HEATR9: variants seen among roughly 807,000 people sequenced by gnomAD.
The protein encoded by HEATR9 is HEAT repeat containing 9, also known as protein HEATR9.
Under a neutral mutation model 68.2 loss-of-function variants are expected in HEATR9, and 54 were observed. The observed-to-expected ratio is 0.79, with a 90% CI of 0.64 to 0.99. HEATR9 has a LOEUF of 0.99. Ranked by LOEUF, HEATR9 falls within the 50% of genes least tolerant of loss-of-function variation. The probability of loss-of-function intolerance (pLI) is 0.00; values close to 1 mark genes in which losing one functional copy is unlikely to be tolerated. For synonymous variants in HEATR9, 241 were observed against 253.5 expected, an observed-to-expected ratio of 0.95 and a Z score of 0.47; for missense variants, 662 against 679.7, an observed-to-expected ratio of 0.97 and a Z score of 0.29.
chr17:35,867,914 G>A (rs2088267107), intron 1 of HEATR9, among the ~76,000 whole-genome samples: 1 of 152,108 alleles, frequency 6.6e-6, no homozygotes, highest in Admixed American at 6.6e-5. Flanking sequence ...CCAAGTAGCT[G>A]GGATTATAGG....
chr17:35,868,680 C>A lies in HEATR9; in HGVS notation c.63G>T (p.Trp21Cys). Residue 21 changes from tryptophan to cysteine, a missense_variant, in exon 1 of 15, where the codon TGG becomes TGT. By Grantham distance (215) the Trp-to-Cys change is radical. Coordinates refer to ENST00000604834, the MANE Select transcript of HEATR9 (RefSeq NM_152781.4). ...CTTTGGTCTTGTCTGGATATTCCAG[C>A]CATGGGTACAGGAACATTGACCTGG... ...DVSRSMFLYP[W>C]LEYPDKTKEL... 6.2e-7 allele frequency: 1 copy of A among 1,614,104 alleles called. No individual in the cohort carries two copies. The highest frequency in any genetic ancestry group is 8.5e-7 in the Non-Finnish European group (1 of 1,179,942).
chr17:35,856,457 A>T (rs191035261), intron 12 of HEATR9: 41 of 1,219,348 alleles, frequency 3.4e-5, no homozygotes, highest in Admixed American at 4.2e-5. Flanking sequence ...TTATCTTTTT[A>T]AAAAAAGTTC....
At position 35,855,195 on chromosome 17, in the gene HEATR9, T is replaced by C. The variant is rs1406151615; in HGVS notation, c.1581A>G (p.Lys527=). The change falls in exon 15 of 15, where the codon AAA becomes AAG. Residue 527 remains lysine, a synonymous_variant. Transcript: ENST00000604834. ...AAGCAGGCGTTTTCTTTTGGCCTACTTTGGTGATGGACTTTGCAATAAACA... is the reference window on the plus strand; with the variant it reads ...AAGCAGGCGTTTTCTTTTGGCCTACCTTGGTGATGGACTTTGCAATAAACA... The part of the protein sequence containing the change: ...NPLFIAKSIT[K]VGQKKTPAFP... The C allele has an allele frequency of 6.2e-7, 1 of 1,614,152 alleles. No homozygotes were observed.
chr17:35,866,535 G>C (rs1355502060), intron 2 of HEATR9, among the ~76,000 whole-genome samples, 189 bp downstream of exon 2: 4 of 152,208 alleles, frequency 2.6e-5, no homozygotes, highest in Non-Finnish European at 5.9e-5. Context: ...GAGGTGGACA[G>C]GGGTTAGCCT....
intron 1 of HEATR9, 39 bp from the exon 2 acceptor site, chr17:35,866,812 A>G: frequency 6.2e-7 from 1 of 1,602,444 alleles, no homozygotes; most frequent in Middle Eastern, 1.7e-4. Context: ...GGTTCAAATG[A>G]GATAGCAGTT....
intron 8 of HEATR9, chr17:35,861,647 A>G (rs2087996480): frequency 1.7e-6 from 1 of 588,550 alleles, no homozygotes; most frequent in South Asian, 2.0e-5. Context: ...TCTGCCTGGA[A>G]TGTCTTCTCT....
At chr17:35,855,565 C>A in intron 14 of HEATR9, 99 bp downstream of exon 14, 1 of 1,329,996 alleles carries the variant, frequency 7.5e-7, no homozygotes, top group South Asian at 1.2e-5. Flanking sequence ...GCTCATGACC[C>A]TCTCCTCCTG....
chr17:35,855,295 G>C lies in HEATR9; in HGVS notation c.1481C>G (p.Thr494Arg). The change falls in exon 15 of 15, where the codon ACA becomes AGA. Residue 494 changes from threonine (T) to arginine (R), a missense_variant. Coordinates refer to ENST00000604834, the MANE Select transcript of HEATR9 (RefSeq NM_152781.4). ...APKTNVKAEP[T>R]RFQKEPENPE... ...GTTCTCAGGCTCTTTCTGGAACCTT[G>C]TGGGCTCTGCCTTCACATTGGTCTT... The C allele has an allele frequency of 6.2e-7, 1 of 1,614,196 alleles. No individual in the cohort carries two copies.
intron 11 of HEATR9, among the ~76,000 whole-genome samples, chr17:35,857,570 T>C (rs2143889357): frequency 6.6e-6 from 1 of 152,204 alleles, no homozygotes; most frequent in East Asian, 1.9e-4. Context: ...CCATCCTGGC[T>C]AACACGATGA....
intron 12 of HEATR9, 104 bp from the exon 13 acceptor site, chr17:35,856,328 G>A (rs1358867289): frequency 1.2e-6 from 2 of 1,612,718 alleles, no homozygotes; most frequent in South Asian, 1.1e-5. Flanking sequence ...GCAAAGTGAT[G>A]CTAATTTCAT....
chr17:35,867,428 CAAAAAAAAAAA>C (rs11315915), intron 1 of HEATR9, among the ~76,000 whole-genome samples: 9 of 40,072 alleles, frequency 2.2e-4, no homozygotes, highest in African/African-American at 4.4e-4. Flanking sequence ...GAGCAAGACT[CAAAAAAAAAAA>C]AAAAAAAAAA....
intron 3 of HEATR9, 58 bp from the exon 4 acceptor site, chr17:35,864,948 G>T (rs2088140728): frequency 1.9e-6 from 3 of 1,606,810 alleles, no homozygotes; most frequent in Non-Finnish European, 2.6e-6. Flanking sequence ...TCCTCAGGTT[G>T]CAACCTCACT....
intron 8 of HEATR9, among the ~76,000 whole-genome samples, chr17:35,859,452 C>A (rs989737827): frequency 2.0e-5 from 3 of 152,156 alleles, no homozygotes; most frequent in African/African-American, 7.2e-5. Context: ...TTTCATGGAT[C>A]CCACTCTCTG....
At chr17:35,858,102 G>C in intron 11 of HEATR9, 98 bp downstream of exon 11, 1 of 1,528,048 alleles carries the variant, frequency 6.5e-7, no homozygotes, top group Non-Finnish European at 9.0e-7. Context: ...AGGTCAGGAT[G>C]AATGTGATAC....
intron 7 of HEATR9, 95 bp from the exon 8 acceptor site, chr17:35,863,220 G>A: frequency 6.5e-7 from 1 of 1,529,830 alleles, no homozygotes; most frequent in Non-Finnish European, 9.0e-7. Context: ...CGAGACCTAA[G>A]TTCCAAGTCC....
At chr17:35,862,954 G>A (rs1163874226) in intron 8 of HEATR9, 41 bp downstream of exon 8, 1 of 1,613,770 alleles carries the variant, frequency 6.2e-7, no homozygotes, top group Admixed American at 1.7e-5. Context: ...CAATTACCTT[G>A]TCCAGCTTTG....
chr17:35,858,566 A>G lies in HEATR9; in HGVS notation c.940-41T>C, dbSNP rs772238491. 4.5e-6 allele frequency: 7 copies of G among 1,563,100 alleles called. No individual in the cohort carries two copies. The African/African-American group carries it at 6.8e-5, about 15-fold the overall frequency. ...GTAGGGCAGGGTGTACAGGGCCTAG[A>G]GGCATCTGTGTGGCCAGGTGGACTT... On this transcript the variant is annotated intron_variant, in intron 9 of 14. Coordinates refer to ENST00000604834, the MANE Select transcript of HEATR9 (RefSeq NM_152781.4).
At chr17:35,857,227 A>G (rs1477913130) in intron 11 of HEATR9, among the ~76,000 whole-genome samples, 1 of 152,158 alleles carries the variant, frequency 6.6e-6, no homozygotes, top group Non-Finnish European at 1.5e-5. Context: ...GGACTCTTCC[A>G]AGCACTCTGA....
At position 35,863,158 on chromosome 17, in the gene HEATR9, G is replaced by A. The variant is rs141848272; in HGVS notation, c.626-33C>T. 9.3e-6 allele frequency: 15 copies of A among 1,611,670 alleles called. No homozygotes were observed. The East Asian group carries it at 3.1e-4, about 34-fold the overall frequency. ...GGGAGGGGCCTCAAGTCAGGGCAGA[G>A]CCTCTGGTACTGCCCCTCTCTGCAA... On this transcript the variant is annotated intron_variant, in intron 7 of 14. Transcript: ENST00000604834.
Sources: allele counts gnomAD v4.1 joint callset (sites outside exome capture counted in the v4.1 genomes callset), GRCh38; gene constraint gnomAD v4.1.1; transcripts MANE v1.5; gene names NCBI Gene and HGNC (gene_info 2026-07-23, HGNC 2026-07-21).